The following GUCY1A2 variants were observed in gnomAD, a reference collection of about 807,000 sequenced individuals.
The protein encoded by GUCY1A2 is guanylate cyclase soluble subunit alpha-2.
Under a neutral mutation model 63.5 loss-of-function variants are expected in GUCY1A2, and 27 were observed. That is an observed-to-expected ratio of 0.43 (90% CI 0.31 to 0.59). The LOEUF is 0.59. GUCY1A2 is among the 20% of genes least tolerant of loss of function. The pLI is 0.11. For synonymous variants in GUCY1A2, 364 were observed against 343.5 expected (o/e 1.06, Z -0.66); for missense variants, 768 against 913.3 (o/e 0.84, Z 2.05).
Position 106,776,458 on chromosome 11 carries a change from G to T in GUCY1A2, c.1817C>A (p.Pro606His). ...GGTTACCTGAATCGGTCTTCCATCA[G>T]GTGTCAGCACCTCTTCTGAAAGTTC... ...MMELSEEVLT[P>H]DGRPIQMRIG... The change falls in exon 6 of 8, where the codon CCT (proline) becomes CAT (histidine). Residue 606 changes from proline (P) to histidine (H), a missense_variant. Physicochemically the swap from Pro to His is moderately conservative, Grantham distance 77. This residue lies in a region of GUCY1A2 where 150 missense variants were observed against 188.3 expected (regional missense o/e 0.80). Transcript: ENST00000526355. 5.6e-6 allele frequency: 9 copies of T among 1,613,746 alleles called. No individual in the cohort carries two copies. Among genetic ancestry groups the T allele is most frequent in the Non-Finnish European group, 7.6e-6 (9 of 1,179,726 alleles).
In GUCY1A2 at chr11:106,682,089, C is replaced by G. The variant is rs540258959; in HGVS notation, c.*5460G>C. The G allele has an allele frequency of 5.3e-4, 108 of 204,872 alleles. No individual in the cohort carries two copies. Among genetic ancestry groups the G allele is most frequent in the African/African-American group, 2.4e-3 (99 of 40,850 alleles). 12.7% of individuals were successfully genotyped at this position (204,872 alleles called of 1,614,324 possible). On this transcript the variant is annotated 3_prime_UTR_variant, in exon 8 of 8. Coordinates refer to ENST00000526355, the MANE Select transcript of GUCY1A2 (RefSeq NM_000855.3). Reference sequence around the variant, plus strand: ...ACTGTATCTAGTATGCCTAATAGCCCTATAGTGAGCAATATTCATCCCTCA... The same window carrying G: ...ACTGTATCTAGTATGCCTAATAGCCGTATAGTGAGCAATATTCATCCCTCA...
At chr11:107,014,507 A>G (rs1861793068) in intron 1 of GUCY1A2, among the ~76,000 whole-genome samples, 1 of 152,138 alleles carries the variant, frequency 6.6e-6, no homozygotes, top group Admixed American at 6.5e-5. Flanking sequence ...AATTAGAATC[A>G]GGTCTCCCGA....
At chr11:106,878,136 C>T (rs567369768) in intron 4 of GUCY1A2, among the ~76,000 whole-genome samples, 1 of 152,106 alleles carries the variant, frequency 6.6e-6, no homozygotes, top group South Asian at 2.1e-4. Context: ...ATAACAGGTG[C>T]TGGCACGGTT....
intron 5 of GUCY1A2, among the ~76,000 whole-genome samples, chr11:106,780,167 CTT>C (rs1419183588): frequency 4.6e-5 from 7 of 152,040 alleles, no homozygotes; most frequent in Non-Finnish European, 1.0e-4. Flanking sequence ...ACCTTTCTCT[CTT>C]TCTCTCCATA....
chr11:106,928,869 A>G (rs977643566), intron 4 of GUCY1A2, among the ~76,000 whole-genome samples: 2 of 152,234 alleles, frequency 1.3e-5, no homozygotes, highest in Admixed American at 1.3e-4. Context: ...AATCTGACTA[A>G]ACCATCAATG....
At chr11:106,747,782 G>A (rs1217558166) in intron 6 of GUCY1A2, among the ~76,000 whole-genome samples, 1 of 152,184 alleles carries the variant, frequency 6.6e-6, no homozygotes, top group Non-Finnish European at 1.5e-5. Flanking sequence ...GGGATGGGGA[G>A]GTCGGGCTTC....
At chr11:106,905,742 A>G (rs1860196276) in intron 4 of GUCY1A2, among the ~76,000 whole-genome samples, 1 of 152,136 alleles carries the variant, frequency 6.6e-6, no homozygotes, top group South Asian at 2.1e-4. Flanking sequence ...GATAAGAACT[A>G]TCTCAAAAAC....
intron 4 of GUCY1A2, among the ~76,000 whole-genome samples, chr11:106,918,321 G>A (rs1272156700): frequency 6.9e-6 from 1 of 145,252 alleles, no homozygotes; most frequent in Non-Finnish European, 1.5e-5. Context: ...GCCCCACATT[G>A]AATGCAGCAC....
intron 1 of GUCY1A2, among the ~76,000 whole-genome samples, chr11:107,001,681 T>G (rs183728077): frequency 2.0e-5 from 3 of 150,142 alleles, no homozygotes; most frequent in Non-Finnish European, 2.9e-5. Context: ...TGTGGTATAC[T>G]TAAAAAAAAA....
chr11:106,842,000 C>G (rs956021559), intron 4 of GUCY1A2, among the ~76,000 whole-genome samples: 4 of 151,890 alleles, frequency 2.6e-5, no homozygotes, highest in Non-Finnish European at 5.9e-5. Context: ...TGCATCAAAT[C>G]ATTCCCCTGC....
intron 5 of GUCY1A2, among the ~76,000 whole-genome samples, chr11:106,795,071 C>T (rs1426626214): frequency 6.6e-6 from 1 of 152,118 alleles, no homozygotes; most frequent in Non-Finnish European, 1.5e-5. Flanking sequence ...TTTTTTGTGT[C>T]AACTGCAACA....
intron 1 of GUCY1A2, among the ~76,000 whole-genome samples, chr11:107,009,396 C>G (rs942435788): frequency 6.6e-6 from 1 of 152,184 alleles, no homozygotes; most frequent in Non-Finnish European, 1.5e-5. Context: ...AATGTTGTGT[C>G]AATCTCACTC....
intron 4 of GUCY1A2, among the ~76,000 whole-genome samples, chr11:106,814,349 C>A (rs545970226): frequency 1.3e-5 from 2 of 152,052 alleles, no homozygotes; most frequent in Non-Finnish European, 2.9e-5. Context: ...AAGGGGCTTC[C>A]AGAAGGGCCA....
intron 6 of GUCY1A2, among the ~76,000 whole-genome samples, chr11:106,766,025 T>G (rs952322599): frequency 2.6e-5 from 4 of 152,222 alleles, no homozygotes; most frequent in African/African-American, 9.6e-5. Flanking sequence ...ATTCAGCCAT[T>G]AGGAAAAAGC....
chr11:106,839,077 C>T (rs1859158947), intron 4 of GUCY1A2, among the ~76,000 whole-genome samples: 1 of 152,004 alleles, frequency 6.6e-6, no homozygotes, highest in Non-Finnish European at 1.5e-5. Flanking sequence ...ATGGTATTGC[C>T]TAGTTTTCTT....
chr11:106,973,910 T>C (rs1278745729), intron 3 of GUCY1A2, among the ~76,000 whole-genome samples: 1 of 152,096 alleles, frequency 6.6e-6, no homozygotes, highest in Non-Finnish European at 1.5e-5. Flanking sequence ...TGATATAAAT[T>C]AACTCATTTA....
At chr11:106,725,421 C>A (rs1161873139) in intron 6 of GUCY1A2, among the ~76,000 whole-genome samples, 1 of 47,200 alleles carries the variant, frequency 2.1e-5, no homozygotes. Context: ...ATCCGCCCGC[C>A]TCGGCCTCCC....
chr11:106,682,805 T>C lies in GUCY1A2; in HGVS notation c.*4744A>G, dbSNP rs749422698. ...TAAATGTATCAGTGACCTTTTTTAA[T>C]TAAAGGAAAGAAGGAACAAAGGAAG... On this transcript the variant is annotated 3_prime_UTR_variant, in exon 8 of 8. Transcript: ENST00000526355. The C allele has an allele frequency of 4.7e-6, 1 of 212,392 alleles. No individual in the cohort carries two copies. Among genetic ancestry groups the C allele is most frequent in the African/African-American group, 2.3e-5 (1 of 44,160 alleles). The allele number at this position is 212,392 out of a possible 1,614,324, so 13.2% of individuals were successfully genotyped here. A position where few individuals can be genotyped will look rare whatever the true frequency, so the allele number is the denominator to read the frequency against.
At chr11:106,937,178 G>C (rs1231718774) in intron 4 of GUCY1A2, among the ~76,000 whole-genome samples, 3 of 152,080 alleles carry the variant, frequency 2.0e-5, no homozygotes, top group Non-Finnish European at 1.5e-5. Flanking sequence ...AGGATGAGTA[G>C]ATTTCTATCC....
Sources: gnomAD v4.1 joint callset for allele counts (sites outside exome capture counted in the v4.1 genomes callset) on GRCh38, gnomAD v4.1.1 for gene constraint, gnomAD v4.1.1 regional missense constraint, MANE v1.5 for transcripts, NCBI Gene and HGNC (gene_info 2026-07-23, HGNC 2026-07-21) for gene names.